The following ESF1 variants were observed in gnomAD, a reference collection of about 807,000 sequenced individuals.
ESF1 encodes ESF1 homolog.
In ESF1, 58 loss-of-function variants were observed where a neutral mutation model predicts 92.0. The observed-to-expected ratio is 0.63, with a 90% CI of 0.51 to 0.78. The LOEUF (loss-of-function observed/expected upper bound fraction) is 0.78, where lower values mean the gene tolerates loss of function less well. Among genes scored for constraint, ESF1 ranks in the 30% least tolerant of loss-of-function variants. ESF1 has a pLI of 0.00. For synonymous variants in ESF1, 321 were observed against 313.7 expected (o/e 1.02, Z -0.24); for missense variants, 922 against 989.1 (o/e 0.93, Z 0.91).
At chr20:13,774,571 T>C (rs1979839099) in intron 4 of ESF1, among the ~76,000 whole-genome samples, 1 of 152,206 alleles carries the variant, frequency 6.6e-6, no homozygotes. Flanking sequence ...CATTTGGATA[T>C]ATTGGAAAGA....
intron 12 of ESF1, 80 bp downstream of exon 12, chr20:13,718,828 A>T: frequency 3.1e-6 from 3 of 979,654 alleles, no homozygotes; most frequent in Non-Finnish European, 2.8e-6. Context: ...GTTGTTTTTT[A>T]AAATTAGTGA....
At chr20:13,726,021 G>C (rs1321489742) in intron 11 of ESF1, among the ~76,000 whole-genome samples, 2 of 152,268 alleles carry the variant, frequency 1.3e-5, no homozygotes, top group East Asian at 1.9e-4. Context: ...GATTTAGCAA[G>C]TATACTTCCA....
chr20:13,754,039 C>T (rs1387960623), intron 9 of ESF1, among the ~76,000 whole-genome samples: 2 of 152,000 alleles, frequency 1.3e-5, no homozygotes, highest in African/African-American at 4.8e-5. Flanking sequence ...CTTTTTTTTA[C>T]GTGTCATGGT....
intron 10 of ESF1, among the ~76,000 whole-genome samples, chr20:13,732,040 G>A (rs989942779): frequency 6.6e-6 from 1 of 152,184 alleles, no homozygotes; most frequent in East Asian, 1.9e-4. Flanking sequence ...TAAGGTCTGT[G>A]GCCACTCCAG....
chr20:13,782,451 G>A, intron 2 of ESF1, 53 bp downstream of exon 2: 1 of 1,396,558 alleles, frequency 7.2e-7, no homozygotes, highest in Admixed American at 2.7e-5. Context: ...TGAAAGATCA[G>A]TATAAAAATA....
At chr20:13,781,781 T>C (rs1470406676) in intron 2 of ESF1, among the ~76,000 whole-genome samples, 2 of 152,260 alleles carry the variant, frequency 1.3e-5, no homozygotes, top group Non-Finnish European at 2.9e-5. Flanking sequence ...GCCTGCCACA[T>C]ACTAGTGGCA....
chr20:13,717,306 T>C, intron 13 of ESF1, 62 bp downstream of exon 13: 1 of 1,584,864 alleles, frequency 6.3e-7, no homozygotes, highest in South Asian at 1.1e-5. Context: ...AATTTCTATC[T>C]GCAGAGCTGA....
chr20:13,737,154 C>T (rs1429682855), intron 9 of ESF1, among the ~76,000 whole-genome samples: 1 of 152,114 alleles, frequency 6.6e-6, no homozygotes. Flanking sequence ...TAGTTTTGCA[C>T]AAATTTGTTT....
At chr20:13,744,423 C>T (rs1396321826) in intron 9 of ESF1, among the ~76,000 whole-genome samples, 1 of 152,178 alleles carries the variant, frequency 6.6e-6, no homozygotes, top group Non-Finnish European at 1.5e-5. Context: ...TCATTAGTAA[C>T]CAGGGAAATG....
chr20:13,781,799 T>C (rs1454472743), intron 2 of ESF1, among the ~76,000 whole-genome samples: 2 of 152,238 alleles, frequency 1.3e-5, no homozygotes, highest in African/African-American at 4.8e-5. Context: ...GCAAAGCAAC[T>C]GAACAAATTA....
intron 9 of ESF1, among the ~76,000 whole-genome samples, chr20:13,736,411 G>A (rs76073476): frequency 0.03 from 4,548 of 152,208 alleles, 78 homozygotes; most frequent in African/African-American, 0.049. Flanking sequence ...CCACATAAGT[G>A]ATGGTATTTT....
chr20:13,773,698 T>TA (rs1979791473), intron 4 of ESF1, among the ~76,000 whole-genome samples: 1 of 152,190 alleles, frequency 6.6e-6, no homozygotes, highest in Non-Finnish European at 1.5e-5. Context: ...ATGAAATGTT[T>TA]AGATATTGTA....
chr20:13,733,966 A>G lies in ESF1; in HGVS notation c.1829-124T>C, dbSNP rs117572880. ...AATAGAGTAACAAAGATAACATGCA[A>G]TGGTAAATATCTGTAATACCCCAAT... On this transcript the variant is annotated intron_variant, in intron 9 of 13. Coordinates refer to ENST00000617257, the MANE Select transcript of ESF1 (RefSeq NM_001276380.2). The G allele has an allele frequency of 2.0e-4, 231 of 1,165,686 alleles. No homozygotes were observed. In the East Asian group the frequency reaches 4.7e-3, roughly 24 times the overall value. The allele number at this position is 1,165,686 out of a possible 1,614,324, so 72.2% of individuals were successfully genotyped here.
chr20:13,725,460 A>G (rs1471470737), intron 11 of ESF1, among the ~76,000 whole-genome samples: 1 of 152,152 alleles, frequency 6.6e-6, no homozygotes, highest in Non-Finnish European at 1.5e-5. Context: ...AAAAAGATCT[A>G]CATTCTTGGT....
At chr20:13,780,158 A>T (rs1176027859) in intron 2 of ESF1, among the ~76,000 whole-genome samples, 1 of 152,222 alleles carries the variant, frequency 6.6e-6, no homozygotes, top group Non-Finnish European at 1.5e-5. Context: ...GGGTAGAAGG[A>T]GTCAGAAGAC....
At chr20:13,741,940 G>A (rs1043461451) in intron 9 of ESF1, among the ~76,000 whole-genome samples, 1 of 152,132 alleles carries the variant, frequency 6.6e-6, no homozygotes, top group Non-Finnish European at 1.5e-5. Flanking sequence ...CAGTACAACA[G>A]AAAAATGGCC....
rs1362689032 is a variant in ESF1, at chr20:13,728,473, G to C, written c.1951-8C>G. On this transcript the variant is annotated splice_polypyrimidine_tract_variant and splice_region_variant and intron_variant, in intron 10 of 13. Transcript: ENST00000617257. ...GGCCTCTTCAGCAAGAGCCTTAAAA[G>C]TTGAATATAAAAATACAAAATTTCA... 6.3e-7 allele frequency: 1 copy of C among 1,582,766 alleles called. No individual in the cohort carries two copies. Among genetic ancestry groups the C allele is most frequent in the Non-Finnish European group, 8.6e-7 (1 of 1,164,912 alleles).
At chr20:13,755,395 T>C (rs746179023) in intron 9 of ESF1, among the ~76,000 whole-genome samples, 3 of 152,224 alleles carry the variant, frequency 2.0e-5, no homozygotes, top group Non-Finnish European at 4.4e-5. Context: ...AAAAATATTA[T>C]GTAGATTAAC....
chr20:13,729,833 T>A (rs2049929807), intron 10 of ESF1, among the ~76,000 whole-genome samples: 1 of 152,204 alleles, frequency 6.6e-6, no homozygotes, highest in South Asian at 2.1e-4. Flanking sequence ...TTGAACAGAC[T>A]TTTTACTAAA....
Sources: gnomAD v4.1 joint callset for allele counts (sites outside exome capture counted in the v4.1 genomes callset) on GRCh38, gnomAD v4.1.1 for gene constraint, MANE v1.5 for transcripts, NCBI Gene and HGNC (gene_info 2026-07-23, HGNC 2026-07-21) for gene names.